The following CT45A1 variants were observed in gnomAD, a reference collection of about 807,000 sequenced individuals.
The protein encoded by CT45A1 is cancer/testis antigen 45-1.
chrX:135,712,679 C>T (rs781900251), upstream of CT45A1, among the ~76,000 whole-genome samples: 202 of 109,944 alleles, frequency 1.8e-3, 1 homozygote, highest in African/African-American at 6.0e-3. Context: ...TACAGGTGCG[C>T]GCCCCACGCC....
chrX:135,717,673 T>G (rs1556572085), intron 1 of CT45A1, among the ~76,000 whole-genome samples: 1 of 112,407 alleles, frequency 8.9e-6, no homozygotes, highest in African/African-American at 3.2e-5. Context: ...TTGATTAAAT[T>G]TATTCCTAAA....
At chrX:135,713,136 C>G (rs1483680495), upstream of CT45A1, among the ~76,000 whole-genome samples, 1 of 99,909 alleles carries the variant, frequency 1.0e-5, no homozygotes, top group Non-Finnish European at 2.0e-5. Flanking sequence ...CTCCTGGGTT[C>G]CAGCGATCCT....
upstream of CT45A1, among the ~76,000 whole-genome samples, chrX:135,710,722 T>C (rs2087929523): frequency 8.9e-6 from 1 of 112,658 alleles, no homozygotes; most frequent in Admixed American, 9.4e-5. Context: ...AATTAATATG[T>C]AGATAATAAG....
At chrX:135,714,801 T>A (rs1376385657) in intron 1 of CT45A1, among the ~76,000 whole-genome samples, 1 of 109,589 alleles carries the variant, frequency 9.1e-6, no homozygotes, top group African/African-American at 3.3e-5. Flanking sequence ...TCACCCAGAC[T>A]GGATTGCAGT....
intron 1 of CT45A1, among the ~76,000 whole-genome samples, chrX:135,714,731 TA>T (rs1177930332): frequency 9.9e-5 from 11 of 110,900 alleles, no homozygotes; most frequent in African/African-American, 3.3e-4. Flanking sequence ...AGCACCTTTT[TA>T]AAAAAATTGT....
At chrX:135,712,692 G>C (rs1187435339), upstream of CT45A1, among the ~76,000 whole-genome samples, 1 of 109,108 alleles carries the variant, frequency 9.2e-6, no homozygotes, top group African/African-American at 3.3e-5. Flanking sequence ...CCCACGCCCG[G>C]TTAATTTTCT....
intron 1 of CT45A1, among the ~76,000 whole-genome samples, chrX:135,714,308 C>T (rs782314192): frequency 1.3e-4 from 14 of 109,158 alleles, no homozygotes; most frequent in African/African-American, 4.4e-4. Flanking sequence ...GCGATGTGGA[C>T]GCTTACCGGA....
At chrX:135,712,035 T>C (rs1393265561), upstream of CT45A1, among the ~76,000 whole-genome samples, 2 of 109,150 alleles carry the variant, frequency 1.8e-5, no homozygotes, top group Non-Finnish European at 3.8e-5. Context: ...GAGCCGAGAT[T>C]ATGGCACTGC....
chrX:135,713,992 G>A (rs1287347179), intron 1 of CT45A1, among the ~76,000 whole-genome samples: 7 of 107,506 alleles, frequency 6.5e-5, no homozygotes, highest in Non-Finnish European at 1.4e-4. Context: ...ACCTGAGCCC[G>A]GGGGTGGGGG....
chrX:135,713,505 C>T, upstream of CT45A1: 1 of 723,937 alleles, frequency 1.4e-6, no homozygotes, highest in Non-Finnish European at 1.6e-6. Context: ...TCCTTCCATC[C>T]CCTTTGGACC....
upstream of CT45A1, among the ~76,000 whole-genome samples, chrX:135,711,719 C>T (rs1287361864): frequency 1.8e-5 from 2 of 112,004 alleles, no homozygotes; most frequent in South Asian, 3.7e-4. Context: ...CCAAAACTTT[C>T]GCTGTAATAT....
chrX:135,712,730 A>G (rs185755772), upstream of CT45A1, among the ~76,000 whole-genome samples: 17 of 108,553 alleles, frequency 1.6e-4, no homozygotes, highest in African/African-American at 5.0e-4. Context: ...GAGATTCACC[A>G]TGTTGGCCAG....
chrX:135,716,727 T>A (rs2087991069), intron 1 of CT45A1, among the ~76,000 whole-genome samples: 1 of 111,680 alleles, frequency 9.0e-6, no homozygotes, highest in Admixed American at 9.6e-5. Flanking sequence ...ATTAAAAACA[T>A]CTTTGCCTAT....
intron 1 of CT45A1, among the ~76,000 whole-genome samples, chrX:135,715,357 T>TAC (rs2087973895): frequency 2.5e-4 from 9 of 36,494 alleles, no homozygotes; most frequent in Non-Finnish European, 3.4e-4. Flanking sequence ...TACTTACATA[T>TAC]AATACTTATA....
At chrX:135,715,279 ATACT>A (rs1344800647) in intron 1 of CT45A1, among the ~76,000 whole-genome samples, 3 of 84,693 alleles carry the variant, frequency 3.5e-5, no homozygotes, top group Non-Finnish European at 6.5e-5. Context: ...TATATATATA[ATACT>A]TATATATATA....
Sources: allele counts gnomAD v4.1 joint callset (sites outside exome capture counted in the v4.1 genomes callset), GRCh38; gene constraint gnomAD v4.1.1; transcripts MANE v1.5; gene names NCBI Gene and HGNC (gene_info 2026-07-23, HGNC 2026-07-21).